The following APBB2 variants were observed in gnomAD, a reference collection of about 807,000 sequenced individuals.
APBB2 encodes the protein Fe65-like 1.
In APBB2, 38 loss-of-function variants were observed where a neutral mutation model predicts 82.5. The observed-to-expected ratio is 0.46, with a 90% CI of 0.36 to 0.60. The LOEUF (loss-of-function observed/expected upper bound fraction) is 0.60, where lower values mean the gene tolerates loss of function less well. Among genes scored for constraint, APBB2 ranks in the 20% least tolerant of loss-of-function variants. APBB2 has a pLI of 0.00. For synonymous variants in APBB2, 341 were observed against 368.2 expected (o/e 0.93, Z 0.85); for missense variants, 772 against 972.3 (o/e 0.79, Z 2.74).
At chr4:41,077,676 G>A (rs1736108731) in intron 3 of APBB2, among the ~76,000 whole-genome samples, 1 of 151,740 alleles carries the variant, frequency 6.6e-6, no homozygotes, top group African/African-American at 2.4e-5. Context: ...TTTGACACAT[G>A]CCAGATCTCA....
chr4:41,094,961 C>T (rs530420416), intron 3 of APBB2, among the ~76,000 whole-genome samples: 45 of 152,180 alleles, frequency 3.0e-4, no homozygotes, highest in South Asian at 6.2e-4. Context: ...CCCCAGCCCT[C>T]GGGATCTTAT....
At chr4:41,125,502 C>T (rs570851104) in intron 2 of APBB2, among the ~76,000 whole-genome samples, 17 of 152,184 alleles carry the variant, frequency 1.1e-4, no homozygotes, top group African/African-American at 3.6e-4. Context: ...ACATTTATGC[C>T]TCTCATTTTC....
At chr4:40,950,374 C>A (rs1457324218) in intron 6 of APBB2, among the ~76,000 whole-genome samples, 2 of 152,180 alleles carry the variant, frequency 1.3e-5, no homozygotes, top group Admixed American at 6.5e-5. Flanking sequence ...ATCAGCAGCA[C>A]TGAAATAACC....
intron 3 of APBB2, among the ~76,000 whole-genome samples, chr4:41,077,389 A>C (rs1297491170): frequency 2.0e-5 from 3 of 152,064 alleles, no homozygotes; most frequent in Non-Finnish European, 4.4e-5. Context: ...AACTCCAAAA[A>C]AGAGAACAGT....
intron 3 of APBB2, among the ~76,000 whole-genome samples, chr4:41,081,752 T>C (rs1332747210): frequency 6.6e-6 from 1 of 152,182 alleles, no homozygotes; most frequent in Non-Finnish European, 1.5e-5. Flanking sequence ...TTATATAATC[T>C]TTCAACCATC....
At chr4:41,147,342 TTTGATTCATAGA>T (rs1283774880) in intron 1 of APBB2, among the ~76,000 whole-genome samples, 1 of 152,192 alleles carries the variant, frequency 6.6e-6, no homozygotes, top group Non-Finnish European at 1.5e-5. Flanking sequence ...GAGAACTGGA[TTTGATTCATAGA>T]TTGTGAAATC....
At chr4:41,074,975 C>T (rs751934993) in intron 3 of APBB2, among the ~76,000 whole-genome samples, 5 of 152,164 alleles carry the variant, frequency 3.3e-5, no homozygotes, top group Non-Finnish European at 7.4e-5. Flanking sequence ...CATGGCAAAA[C>T]TCGACTCCAC....
At chr4:40,929,999 C>T (rs1165787107) in intron 10 of APBB2, among the ~76,000 whole-genome samples, 1 of 151,860 alleles carries the variant, frequency 6.6e-6, no homozygotes, top group Non-Finnish European at 1.5e-5. Context: ...AGTGACCAGG[C>T]CGAGGACTAC....
chr4:40,991,503 T>C (rs757516201), intron 6 of APBB2, among the ~76,000 whole-genome samples: 1 of 152,206 alleles, frequency 6.6e-6, no homozygotes, highest in East Asian at 1.9e-4. Context: ...TGATCCTATT[T>C]ATTTTTTTAA....
chr4:40,907,361 A>G (rs1247334494), intron 10 of APBB2, among the ~76,000 whole-genome samples: 1 of 86,936 alleles, frequency 1.2e-5, no homozygotes, highest in African/African-American at 6.3e-5. Context: ...ATATATATAT[A>G]TATATATATA....
intron 2 of APBB2, chr4:41,114,009 G>C (rs1044349793): frequency 6.6e-6 from 1 of 152,326 alleles, no homozygotes; most frequent in Non-Finnish European, 1.5e-5. Context: ...CCCTGCGCAA[G>C]GATGACACGC....
At chr4:41,188,581 G>A (rs868109436) in intron 1 of APBB2, among the ~76,000 whole-genome samples, 2 of 152,198 alleles carry the variant, frequency 1.3e-5, no homozygotes, top group African/African-American at 4.8e-5. Flanking sequence ...ACCCTAATCT[G>A]CCAGCACCTT....
chr4:40,871,837 C>A (rs751993774), intron 12 of APBB2, among the ~76,000 whole-genome samples: 1 of 152,178 alleles, frequency 6.6e-6, no homozygotes, highest in Non-Finnish European at 1.5e-5. Context: ...GAAGCACACA[C>A]AAGGAAATCT....
intron 1 of APBB2, among the ~76,000 whole-genome samples, chr4:41,197,694 C>T: frequency 6.6e-6 from 1 of 152,202 alleles, no homozygotes; most frequent in Non-Finnish European, 1.5e-5. Context: ...CAAACTCCTA[C>T]TTAACCTTCA....
At chr4:40,986,272 C>T (rs368695177) in intron 6 of APBB2, among the ~76,000 whole-genome samples, 8 of 152,202 alleles carry the variant, frequency 5.3e-5, no homozygotes, top group Non-Finnish European at 7.3e-5. Flanking sequence ...AGACTACTTA[C>T]GCTCTCTGGT....
intron 1 of APBB2, among the ~76,000 whole-genome samples, chr4:41,205,221 G>A (rs1410850846): frequency 6.6e-6 from 1 of 152,142 alleles, no homozygotes; most frequent in Non-Finnish European, 1.5e-5. Flanking sequence ...CCAATTACGG[G>A]GTATTTTGGA....
At chr4:41,136,249 C>G (rs1028641216) in intron 2 of APBB2, among the ~76,000 whole-genome samples, 1 of 152,100 alleles carries the variant, frequency 6.6e-6, no homozygotes, top group Non-Finnish European at 1.5e-5. Context: ...CTTATCTTTC[C>G]AGAACATTAT....
At position 40,934,516 on chromosome 4, in the gene APBB2, T is replaced by C; in HGVS notation, c.1194A>G (p.Arg398=). 3 of 1,614,148 alleles carry C rather than the reference T, an allele frequency of 1.9e-6. No homozygotes were observed. The highest frequency in any genetic ancestry group is 2.5e-6 in the Non-Finnish European group (3 of 1,180,008). ...ATLRYASLKL[R]NAPHPDDDDS... ...CATCATCATCAGGGTGTGGGGCATT[T>C]CTAGGCAGAAAAACAGAAAAGTGGA... The change falls in exon 10 of 18, where the codon AGA becomes AGG. Residue 398 remains arginine (R), a splice_region_variant and synonymous_variant. Transcript: ENST00000508593.
At chr4:40,954,840 T>A (rs936837604) in intron 6 of APBB2, among the ~76,000 whole-genome samples, 1 of 152,160 alleles carries the variant, frequency 6.6e-6, no homozygotes, top group Non-Finnish European at 1.5e-5. Context: ...ATTTTTTGTA[T>A]TTTTAATAGA....
Sources: allele counts gnomAD v4.1 joint callset (sites outside exome capture counted in the v4.1 genomes callset), GRCh38; gene constraint gnomAD v4.1.1; transcripts MANE v1.5; gene names NCBI Gene and HGNC (gene_info 2026-07-23, HGNC 2026-07-21).